RNF41: variants seen among roughly 807,000 people sequenced by gnomAD.
The protein encoded by RNF41 is E3 ubiquitin-protein ligase NRDP1.
RNF41 carries 4 observed loss-of-function variants against 33.0 expected under a neutral mutation model. The ratio of observed to expected loss-of-function variants is 0.12; its 90% confidence interval spans 0.06 to 0.28. The LOEUF (loss-of-function observed/expected upper bound fraction) is 0.28, where lower values mean the gene tolerates loss of function less well. RNF41 is among the 10% of genes least tolerant of loss of function. RNF41 has a pLI of 1.00. For missense variants in RNF41, 228 were observed against 432.6 expected (o/e 0.53, Z 4.19); for synonymous variants, 164 against 153.2 (o/e 1.07, Z -0.52).
intron 4 of RNF41, chr12:56,210,016 T>C (rs921473233): frequency 1.1e-5 from 5 of 447,024 alleles, no homozygotes; most frequent in African/African-American, 1.9e-5. Flanking sequence ...CGGAAAGTAG[T>C]ATTGGACTGA....
intron 2 of RNF41, among the ~76,000 whole-genome samples, chr12:56,215,478 TG>T (rs1868809764): frequency 6.6e-6 from 1 of 151,830 alleles, no homozygotes; most frequent in South Asian, 2.1e-4. Flanking sequence ...CCCAGCACTT[TG>T]GGAGGCTGAG....
At chr12:56,207,265 T>C in intron 6 of RNF41, 1 of 1,331,280 alleles carries the variant, frequency 7.5e-7, no homozygotes, top group Non-Finnish European at 9.8e-7. Context: ...AGAGATCACT[T>C]TCCTGGACTT....
intron 3 of RNF41, among the ~76,000 whole-genome samples, chr12:56,210,960 G>A (rs1352527104): frequency 3.3e-5 from 5 of 152,226 alleles, no homozygotes; most frequent in Non-Finnish European, 5.9e-5. Context: ...GCCGAGGCAG[G>A]CGGATCATGA....
rs1178306292 is a variant in RNF41 at position 56,213,076 on chromosome 12, A to G, written c.90+882T>C. The G allele has an allele frequency of 3.1e-6, 4 of 1,289,696 alleles. No individual in the cohort carries two copies. The South Asian group carries it at 4.9e-5, about 16-fold the overall frequency. The allele number at this position is 1,289,696 out of a possible 1,614,324, so 79.9% of individuals were successfully genotyped here. ...GTCTGGCAAGGCTGGCAGAGAAATG[A>G]CCTATTGAAGGTGGCAGCTTTCACA... On this transcript the variant is annotated intron_variant, in intron 3 of 6. Transcript: ENST00000345093.
chr12:56,221,639 C>G (rs1869456443), intron 1 of RNF41, 121 bp downstream of exon 1: 1 of 152,530 alleles, frequency 6.6e-6, no homozygotes, highest in Non-Finnish European at 1.5e-5. Context: ...TTTATCTCTA[C>G]CACCATCCCT....
intron 4 of RNF41, chr12:56,209,998 C>G (rs1045595583): frequency 5.2e-6 from 2 of 382,018 alleles, no homozygotes; most frequent in East Asian, 9.1e-5. Context: ...AGCAGTCAAC[C>G]TGACAAACGG....
At chr12:56,207,154 T>A in intron 6 of RNF41, 2 of 1,316,668 alleles carry the variant, frequency 1.5e-6, no homozygotes, top group South Asian at 2.6e-5. Flanking sequence ...CTGTATATAT[T>A]GATTCACACT....
chr12:56,220,501 G>C (rs1476394033), intron 1 of RNF41, among the ~76,000 whole-genome samples: 1 of 148,472 alleles, frequency 6.7e-6, no homozygotes, highest in Admixed American at 6.8e-5. Flanking sequence ...ACAGGCGTGA[G>C]CCACCGCGCC....
At chr12:56,215,356 G>A (rs183770120) in intron 2 of RNF41, among the ~76,000 whole-genome samples, 220 of 152,262 alleles carry the variant, frequency 1.4e-3, no homozygotes, top group African/African-American at 5.1e-3. Flanking sequence ...ACTGGAGACC[G>A]GAAGAACATC....
Position 56,207,689 on chromosome 12 carries a change from G to C in RNF41, c.559C>G (p.Leu187Val). ...TCAATTGTCTCCTCCAGGTTCTGAA[G>C]GTTGGGGTTGACACTGCGGATTGCA... ...MRAIRSVNPNLQNLEETIEYN... is the reference protein window; with the variant it reads ...MRAIRSVNPNVQNLEETIEYN... Residue 187 changes from leucine to valine, a missense_variant, in exon 6 of 7, where the codon CTT becomes GTT. Leu to Val is a conservative substitution (Grantham distance 32). Around this residue, in one of 2 missense-constraint regions of RNF41, gnomAD observed 199 missense variants for 334.6 expected, o/e 0.59. Transcript: ENST00000345093. 6.2e-7 allele frequency: 1 copy of C among 1,614,170 alleles called. No homozygotes were observed. Among genetic ancestry groups the C allele is most frequent in the East Asian group, 2.2e-5 (1 of 44,890 alleles).
intron 3 of RNF41, 66 bp downstream of exon 3, chr12:56,213,892 T>C: frequency 9.7e-7 from 1 of 1,027,434 alleles, no homozygotes; most frequent in East Asian, 2.4e-5. Context: ...CCGCTGCCCA[T>C]GAATATTTTC....
rs1317192779 is a variant in RNF41 at position 56,204,929 on chromosome 12, A to C, written c.*1518T>G. On this transcript the variant is annotated 3_prime_UTR_variant, in exon 7 of 7. Coordinates refer to ENST00000345093, the MANE Select transcript of RNF41 (RefSeq NM_005785.4). ...CACACTCCCACCTCCATATTAAAAT[A>C]ATCACACCTATTATCTCTCCCCTTC... The C allele has an allele frequency of 6.6e-6, 1 of 152,390 alleles. No homozygotes were observed. The highest frequency in any genetic ancestry group is 1.9e-4 in the East Asian group (1 of 5,202). 9.4% of individuals were successfully genotyped at this position (152,390 alleles called of 1,614,324 possible).
chr12:56,209,506 G>A (rs543665910), intron 4 of RNF41, among the ~76,000 whole-genome samples: 126 of 149,482 alleles, frequency 8.4e-4, no homozygotes, highest in Middle Eastern at 3.5e-3. Flanking sequence ...TGCCCAGGCT[G>A]GAGTGCAGTG....
intron 3 of RNF41, chr12:56,212,916 G>T: frequency 2.0e-6 from 2 of 1,008,102 alleles, no homozygotes; most frequent in Non-Finnish European, 2.7e-6. Context: ...GGTATTTACA[G>T]AATGAGGGCA....
intron 3 of RNF41, among the ~76,000 whole-genome samples, chr12:56,211,728 T>C (rs1868493952): frequency 6.6e-6 from 1 of 151,962 alleles, no homozygotes; most frequent in South Asian, 2.1e-4. Context: ...ATCCCAGCAC[T>C]TTGGGAGGCT....
At position 56,210,405 on chromosome 12, in the gene RNF41, T is replaced by C; in HGVS notation, c.254A>G (p.Asn85Ser). The change falls in exon 4 of 7, where the codon AAC (asparagine) becomes AGC (serine). Residue 85 changes from asparagine (N) to serine (S), a missense_variant. Physicochemically the swap from Asn to Ser is conservative, Grantham distance 46. Coordinates refer to ENST00000345093, the MANE Select transcript of RNF41 (RefSeq NM_005785.4). Reference protein sequence around the residue: ...MLSKLQIACDNAVFGCSAVVR... With the variant: ...MLSKLQIACDSAVFGCSAVVR... ...AACGGCACTACAGCCGAACACAGCG[T>C]TGTCACAGGCAATCTGCAGCTTTGA... The C allele has an allele frequency of 6.2e-7, 1 of 1,614,104 alleles. No homozygotes were observed. The highest frequency in any genetic ancestry group is 8.5e-7 in the Non-Finnish European group (1 of 1,180,010).
intron 3 of RNF41, among the ~76,000 whole-genome samples, chr12:56,213,680 G>T (rs954440103): frequency 6.6e-6 from 1 of 152,104 alleles, no homozygotes; most frequent in African/African-American, 2.4e-5. Flanking sequence ...ACTATCACAA[G>T]ACAGAAACAA....
chr12:56,208,517 A>G (rs1003630172), intron 4 of RNF41: 5 of 435,954 alleles, frequency 1.1e-5, no homozygotes, highest in African/African-American at 9.9e-5. Flanking sequence ...TCTTTCCCCA[A>G]TCAAGACACA....
At chr12:56,207,415 T>G in intron 6 of RNF41, 1 of 806,128 alleles carries the variant, frequency 1.2e-6, no homozygotes, top group Non-Finnish European at 2.0e-6. Context: ...CTGGATAAAG[T>G]GCATCCTTGG....
Sources: gnomAD v4.1 joint callset for allele counts (sites outside exome capture counted in the v4.1 genomes callset) on GRCh38, gnomAD v4.1.1 for gene constraint, gnomAD v4.1.1 regional missense constraint, MANE v1.5 for transcripts, NCBI Gene and HGNC (gene_info 2026-07-23, HGNC 2026-07-21) for gene names.